PHF8: variants seen among roughly 807,000 people sequenced by gnomAD.
PHF8 encodes PHD finger protein 8, also known as histone lysine demethylase PHF8.
A neutral mutation model predicts 74.4 loss-of-function variants in PHF8; 9 were observed. The ratio of observed to expected loss-of-function variants is 0.12; its 90% CI spans 0.07 to 0.21. PHF8 has a LOEUF of 0.21. Among genes scored for constraint, PHF8 ranks in the 10% least tolerant of loss-of-function variants. PHF8 has a pLI of 1.00. For missense variants in PHF8, 478 were observed against 816.6 expected (o/e 0.59, Z 5.05); for synonymous variants, 311 against 316.6 (o/e 0.98, Z 0.19).
intron 8 of PHF8, among the ~76,000 whole-genome samples, chrX:54,009,280 T>C (rs181714382): frequency 3.3e-3 from 374 of 111,719 alleles, no homozygotes; most frequent in Non-Finnish European, 5.7e-3. Context: ...CCCTTTAAAA[T>C]GGTAAATTTT....
intron 4 of PHF8, among the ~76,000 whole-genome samples, chrX:54,018,706 C>T (rs1019077133): frequency 1.2e-4 from 13 of 109,675 alleles, no homozygotes; most frequent in African/African-American, 4.3e-4. Flanking sequence ...CCACAACCTC[C>T]GCCTCCAGGG....
At chrX:54,005,945 GA>G (rs2065891913) in intron 8 of PHF8, among the ~76,000 whole-genome samples, 1 of 111,924 alleles carries the variant, frequency 8.9e-6, no homozygotes, top group East Asian at 2.8e-4. Context: ...AAACATGGGT[GA>G]ATACCATAGA....
intron 17 of PHF8, 117 bp downstream of exon 17, chrX:53,985,699 C>A (rs1557099333): frequency 2.6e-6 from 3 of 1,140,286 alleles, no homozygotes; most frequent in Middle Eastern, 2.4e-4. Flanking sequence ...CTGGATAATT[C>A]TTTGTCCCTT....
At chrX:54,042,988 CACGTAAAGAACGGAGCTCA>C (rs1407773973) in intron 1 of PHF8, 168 bp from the exon 2 acceptor site, 8 of 529,057 alleles carry the variant, frequency 1.5e-5, no homozygotes, top group Non-Finnish European at 2.0e-5. Flanking sequence ...ATTTCTTTCA[CACGTAAAGAACGGAGCTCA>C]ACCTTCCAGG....
rs1382530784 is a variant in PHF8, at chrX:54,042,619, T to G, written c.98+12A>C. On this transcript the variant is annotated intron_variant, in intron 2 of 21. Coordinates refer to ENST00000338154, the MANE Select transcript of PHF8 (RefSeq NM_015107.3). ...CCACCGCACCCTGTGTAGCCTGGCC[T>G]GCCCTCCTTACCTGCCATGAAACCA... The G allele has an allele frequency of 8.3e-7, 1 of 1,202,013 alleles. No individual in the cohort carries two copies. Among genetic ancestry groups the G allele is most frequent in the East Asian group, 3.0e-5 (1 of 33,692 alleles).
chrX:53,952,741 G>C (rs1233608752), intron 19 of PHF8, among the ~76,000 whole-genome samples: 3 of 108,841 alleles, frequency 2.8e-5, no homozygotes, highest in Non-Finnish European at 5.7e-5. Context: ...AAATTAGCCG[G>C]GTGTGGTGGC....
At chrX:53,998,817 T>G (rs1557103585) in intron 11 of PHF8, among the ~76,000 whole-genome samples, 1 of 111,768 alleles carries the variant, frequency 8.9e-6, no homozygotes, top group African/African-American at 3.3e-5. Flanking sequence ...AAAACCCACT[T>G]TGGCAGTATG....
chrX:53,947,427 T>G (rs782701148), intron 19 of PHF8, among the ~76,000 whole-genome samples: 1 of 113,102 alleles, frequency 8.8e-6, no homozygotes, highest in Non-Finnish European at 1.9e-5. Context: ...ATAAGCAGTA[T>G]GCAGATTCTA....
chrX:53,974,600 C>T (rs183606486), intron 18 of PHF8, among the ~76,000 whole-genome samples: 377 of 111,727 alleles, frequency 3.4e-3, no homozygotes, highest in Middle Eastern at 0.014. Context: ...TATAAAGATA[C>T]GTGCACACGT....
intron 10 of PHF8, among the ~76,000 whole-genome samples, chrX:54,000,380 C>T (rs2065809992): frequency 8.9e-6 from 1 of 112,003 alleles, no homozygotes; most frequent in South Asian, 3.8e-4. Context: ...GCTCTACCTA[C>T]ACAGACTTTA....
At position 53,944,239 on chromosome X, in the gene PHF8, G is replaced by C. The variant is rs782783842; in HGVS notation, c.2544C>G (p.Arg848=). Reference sequence around the variant, plus strand: ...CCTGCTTCGGCAGAGTTGGGGTCACGCGGGCTGCAAGGGAAACAGGATGAG... The same window carrying C: ...CCTGCTTCGGCAGAGTTGGGGTCACCCGGGCTGCAAGGGAAACAGGATGAG... ...SDDAPWSPKA[R]VTPTLPKQDR... is the part of the protein sequence containing the mutation. The change falls in exon 20 of 22, where the codon CGC becomes CGG. Residue 848 remains arginine, a synonymous_variant. Transcript: ENST00000338154. 8.3e-7 allele frequency: 1 copy of C among 1,197,938 alleles called. No individual in the cohort carries two copies. The highest frequency in any genetic ancestry group is 2.2e-5 in the Admixed American group (1 of 46,021).
chrX:53,958,234 G>A (rs2065043747), intron 19 of PHF8, among the ~76,000 whole-genome samples: 1 of 107,470 alleles, frequency 9.3e-6, no homozygotes, highest in African/African-American at 3.4e-5. Flanking sequence ...TAGAGACGGG[G>A]TTTCATCATG....
At chrX:53,942,425 A>G (rs1427150596) in intron 20 of PHF8, among the ~76,000 whole-genome samples, 1 of 111,928 alleles carries the variant, frequency 8.9e-6, no homozygotes, top group Non-Finnish European at 1.9e-5. Flanking sequence ...AAGCAGGCTG[A>G]CTCTAGAATC....
chrX:54,020,982 A>G (rs1557109677), intron 4 of PHF8, among the ~76,000 whole-genome samples: 1 of 112,046 alleles, frequency 8.9e-6, no homozygotes, highest in Non-Finnish European at 1.9e-5. Flanking sequence ...TAAAAAGACG[A>G]ATGCACTGAT....
intron 18 of PHF8, among the ~76,000 whole-genome samples, chrX:53,964,472 T>C (rs1037337778): frequency 1.8e-5 from 2 of 111,231 alleles, no homozygotes; most frequent in African/African-American, 3.3e-5. Flanking sequence ...TACTACAACA[T>C]GGATGAACAT....
intron 2 of PHF8, chrX:54,039,603 AAATGTC>A (rs1346195211): frequency 1.8e-5 from 2 of 112,482 alleles, no homozygotes; most frequent in African/African-American, 6.5e-5. Context: ...CCTTATAAAT[AAATGTC>A]AAGTATCTAC....
chrX:53,938,513 T>C lies in PHF8; in HGVS notation c.*645A>G, dbSNP rs1557082446. On this transcript the variant is annotated 3_prime_UTR_variant, in exon 22 of 22. Transcript: ENST00000338154. ...ACCTTGACAAGTGATAGGAATCACCTTTCTTTTGAAAGGTAAGTGAAGTTG... is the reference window on the plus strand; with the variant it reads ...ACCTTGACAAGTGATAGGAATCACCCTTCTTTTGAAAGGTAAGTGAAGTTG... 1 of 760,092 alleles carries C rather than the reference T, an allele frequency of 1.3e-6. No individual in the cohort carries two copies. Among genetic ancestry groups the C allele is most frequent in the African/African-American group, 2.3e-5 (1 of 43,565 alleles). The allele number at this position is 760,092 out of a possible 1,213,427, so 62.6% of individuals were successfully genotyped here.
chrX:54,002,119 A>T, intron 10 of PHF8, 36 bp downstream of exon 10: 1 of 760,011 alleles, frequency 1.3e-6, no homozygotes, highest in South Asian at 2.1e-5. Flanking sequence ...CTCAGGGGAG[A>T]GGGGCAAAAA....
intron 6 of PHF8, among the ~76,000 whole-genome samples, chrX:54,016,310 A>G (rs1255150436): frequency 9.1e-6 from 1 of 110,451 alleles, no homozygotes; most frequent in Non-Finnish European, 1.9e-5. Flanking sequence ...CCTGGCCAAC[A>G]TGGTGAAACC....
Sources: allele counts gnomAD v4.1 joint callset (sites outside exome capture counted in the v4.1 genomes callset), GRCh38; gene constraint gnomAD v4.1.1; transcripts MANE v1.5; gene names NCBI Gene and HGNC (gene_info 2026-07-23, HGNC 2026-07-21).